IL1RAPL2: variants seen among roughly 807,000 people sequenced by gnomAD.
IL1RAPL2 encodes X-linked interleukin-1 receptor accessory protein-like 2.
In IL1RAPL2, 3 loss-of-function variants were observed where a neutral mutation model predicts 44.1. The ratio of observed to expected loss-of-function variants is 0.07; its 90% CI spans 0.03 to 0.18. IL1RAPL2 has a LOEUF of 0.18. Ranked by LOEUF, IL1RAPL2 falls within the 10% of genes least tolerant of loss-of-function variation. IL1RAPL2 has a pLI of 1.00. For missense variants in IL1RAPL2, 391 were observed against 496.4 expected, an observed-to-expected ratio of 0.79 and a Z score of 2.02; for synonymous variants, 181 against 178.8, an observed-to-expected ratio of 1.01 and a Z score of -0.10.
chrX:104,753,484 C>G (rs1445721923), intron 2 of IL1RAPL2, among the ~76,000 whole-genome samples: 1 of 111,408 alleles, frequency 9.0e-6, no homozygotes, highest in Non-Finnish European at 1.9e-5. Context: ...CTATCTAAAA[C>G]ATCCGAGTAT....
intron 6 of IL1RAPL2, among the ~76,000 whole-genome samples, chrX:105,692,866 G>C (rs2038047095): frequency 9.0e-6 from 1 of 111,466 alleles, no homozygotes. Flanking sequence ...TAGACAGTAA[G>C]CCTATATCCC....
intron 2 of IL1RAPL2, among the ~76,000 whole-genome samples, chrX:104,688,478 C>G (rs1931028539): frequency 9.0e-6 from 1 of 111,192 alleles, no homozygotes; most frequent in Non-Finnish European, 1.9e-5. Flanking sequence ...AGAAATCATG[C>G]CTCTCTACTG....
chrX:105,144,941 C>T (rs927587831), intron 2 of IL1RAPL2, among the ~76,000 whole-genome samples: 5 of 111,084 alleles, frequency 4.5e-5, no homozygotes, highest in African/African-American at 1.6e-4. Context: ...CTATATTCCC[C>T]GCCATTTATA....
chrX:105,405,782 A>T (rs1334371185), intron 5 of IL1RAPL2: 1 of 1,092,865 alleles, frequency 9.2e-7, no homozygotes, highest in African/African-American at 1.8e-5. Flanking sequence ...TTTATCAAAG[A>T]CCTGCTGTAA....
intron 5 of IL1RAPL2, among the ~76,000 whole-genome samples, chrX:105,360,036 A>G (rs550192878): frequency 1.8e-5 from 2 of 111,019 alleles, no homozygotes; most frequent in South Asian, 7.7e-4. Flanking sequence ...TTTTAAGCCT[A>G]CCTCTTTGTA....
intron 1 of IL1RAPL2, among the ~76,000 whole-genome samples, chrX:104,609,980 T>G (rs1458327755): frequency 8.9e-6 from 1 of 112,317 alleles, no homozygotes; most frequent in Non-Finnish European, 1.9e-5. Flanking sequence ...CTCCCCATCT[T>G]TGTGGATTTA....
At chrX:105,135,474 T>C (rs920521902) in intron 2 of IL1RAPL2, among the ~76,000 whole-genome samples, 1 of 111,950 alleles carries the variant, frequency 8.9e-6, no homozygotes, top group Non-Finnish European at 1.9e-5. Context: ...GGCTGCATGA[T>C]AGGGAAAGCT....
Position 104,910,571 on chromosome X carries a change from A to G in IL1RAPL2, c.82+251576A>G, listed in dbSNP as rs1007128884. Among the ~76,000 whole-genome samples the G allele has an allele frequency of 9.9e-5, 11 of 111,516 alleles. No individual in the cohort carries two copies. In the Admixed American group the frequency reaches 1.0e-3, roughly 11 times the overall value. On this transcript the variant is annotated intron_variant, in intron 2 of 10. Coordinates refer to ENST00000372582, the MANE Select transcript of IL1RAPL2 (RefSeq NM_017416.2). ...GTGTGATGTTCCCCTCCCTGTGTCC[A>G]TGTGTTCTCTTCCTAATGTATTTTA...
At chrX:105,092,328 A>G (rs2032553689) in intron 2 of IL1RAPL2, among the ~76,000 whole-genome samples, 1 of 111,573 alleles carries the variant, frequency 9.0e-6, no homozygotes, top group African/African-American at 3.3e-5. Context: ...ACTCATAGTT[A>G]TGGTTTATTG....
chrX:104,679,189 C>T (rs1410940636), intron 2 of IL1RAPL2, among the ~76,000 whole-genome samples: 1 of 111,087 alleles, frequency 9.0e-6, no homozygotes, highest in African/African-American at 3.3e-5. Flanking sequence ...GTTGTTCCTT[C>T]AAGATATGGA....
chrX:104,920,529 C>G (rs1243306200), intron 2 of IL1RAPL2, among the ~76,000 whole-genome samples: 3 of 102,973 alleles, frequency 2.9e-5, no homozygotes, highest in African/African-American at 1.1e-4. Flanking sequence ...CCCCTCCCCT[C>G]CCCTCCCCTC....
At chrX:104,726,161 G>A (rs1419491597) in intron 2 of IL1RAPL2, among the ~76,000 whole-genome samples, 2 of 111,193 alleles carry the variant, frequency 1.8e-5, no homozygotes, top group African/African-American at 6.5e-5. Flanking sequence ...CCCATTTCTT[G>A]TTTTTGTCAG....
chrX:105,332,885 A>C (rs1349524282), intron 5 of IL1RAPL2, among the ~76,000 whole-genome samples: 1 of 111,930 alleles, frequency 8.9e-6, no homozygotes, highest in East Asian at 2.8e-4. Context: ...AAATTGGACA[A>C]ATATTCCATG....
chrX:105,147,199 G>C (rs1478974163), intron 2 of IL1RAPL2, among the ~76,000 whole-genome samples: 3 of 111,458 alleles, frequency 2.7e-5, no homozygotes, highest in Non-Finnish European at 5.7e-5. Flanking sequence ...GTTATCTTTA[G>C]TTTCTATAGG....
chrX:104,699,497 A>G (rs1931238717), intron 2 of IL1RAPL2, among the ~76,000 whole-genome samples: 1 of 111,726 alleles, frequency 9.0e-6, no homozygotes, highest in African/African-American at 3.3e-5. Flanking sequence ...TTCAGGCAGT[A>G]ATACCAGCAA....
chrX:104,637,791 TG>T (rs1344572269), intron 1 of IL1RAPL2, among the ~76,000 whole-genome samples: 3 of 109,775 alleles, frequency 2.7e-5, no homozygotes, highest in East Asian at 5.7e-4. Context: ...TGTGTGTGTG[TG>T]TGTGTGTGTC....
rs781231213 is a variant in IL1RAPL2 at position 104,600,530 on chromosome X, T to A, written c.-20+33479T>A. ...TGCTATTTTTAATTTTTTTTCAACT[T>A]TTTTTTTTTAGATTAAGGGGATACA... On this transcript the variant is annotated intron_variant, in intron 1 of 10. Transcript: ENST00000372582. 1.0e-3 allele frequency among the ~76,000 whole-genome samples: 108 copies of A among 106,155 alleles called. 1 individual carries two copies. Among genetic ancestry groups the A allele is most frequent in the Non-Finnish European group, 1.8e-3 (94 of 51,898 alleles). 92.2% of individuals were successfully genotyped at this position (106,155 alleles called of 115,157 possible).
chrX:104,663,766 C>G (rs1930442029), intron 2 of IL1RAPL2, among the ~76,000 whole-genome samples: 1 of 104,330 alleles, frequency 9.6e-6, no homozygotes, highest in African/African-American at 3.5e-5. Context: ...TTTACAGCAA[C>G]TAGATAATAG....
chrX:104,683,796 T>G (rs1930930764), intron 2 of IL1RAPL2, among the ~76,000 whole-genome samples: 1 of 112,108 alleles, frequency 8.9e-6, no homozygotes, highest in African/African-American at 3.2e-5. Context: ...ATGTGAAAAT[T>G]ATGAGCCCAG....
Sources: gnomAD v4.1 joint callset for allele counts (sites outside exome capture counted in the v4.1 genomes callset) on GRCh38, gnomAD v4.1.1 for gene constraint, MANE v1.5 for transcripts, NCBI Gene and HGNC (gene_info 2026-07-23, HGNC 2026-07-21) for gene names.